The following TESC variants were observed in gnomAD, a reference collection of about 807,000 sequenced individuals.
TESC encodes tescalcin.
TESC carries 19 observed loss-of-function variants against 31.0 expected under a neutral mutation model. The ratio of observed to expected loss-of-function variants is 0.61; its 90% CI spans 0.43 to 0.90. TESC has a LOEUF of 0.90. Ranked by LOEUF, TESC falls within the 40% of genes least tolerant of loss-of-function variation. The pLI is 0.00. For missense variants in TESC, 248 were observed against 303.8 expected, an observed-to-expected ratio of 0.82 and a Z score of 1.36; for synonymous variants, 109 against 114.8, an observed-to-expected ratio of 0.95 and a Z score of 0.32.
chr12:117,078,490 G>A lies in TESC; in HGVS notation c.59-3150C>T, dbSNP rs1310038704. Among the ~76,000 whole-genome samples, 3 of 152,034 alleles carry A rather than the reference G, an allele frequency of 2.0e-5. No individual in the cohort carries two copies. The South Asian group carries it at 6.2e-4, about 32-fold the overall frequency. On this transcript the variant is annotated intron_variant, in intron 1 of 7. Coordinates refer to ENST00000335209, the MANE Select transcript of TESC (RefSeq NM_017899.4). ...CAAAAAAAAAGCAAAAAACAGATTGGTCAAACACTTTTTGGTATGTTTAGC... is the reference window on the plus strand; with the variant it reads ...CAAAAAAAAAGCAAAAAACAGATTGATCAAACACTTTTTGGTATGTTTAGC...
intron 3 of TESC, among the ~76,000 whole-genome samples, chr12:117,053,108 GTTTCAA>G (rs1366886337): frequency 6.6e-6 from 1 of 152,146 alleles, no homozygotes; most frequent in African/African-American, 2.4e-5. Context: ...GTGGTCACTT[GTTTCAA>G]CGTCCAACTT....
intron 1 of TESC, among the ~76,000 whole-genome samples, chr12:117,088,988 T>C (rs1031719606): frequency 2.6e-5 from 4 of 152,182 alleles, no homozygotes; most frequent in African/African-American, 9.7e-5. Context: ...AGAAGAGGCC[T>C]TGGGTCTGCA....
chr12:117,075,089 T>G (rs1593014280), intron 2 of TESC, among the ~76,000 whole-genome samples, 182 bp downstream of exon 2: 1 of 152,134 alleles, frequency 6.6e-6, no homozygotes, highest in Non-Finnish European at 1.5e-5. Context: ...GAGCTTGCAG[T>G]GAGCCGAGAC....
At chr12:117,075,926 T>TAC (rs1955064542) in intron 1 of TESC, among the ~76,000 whole-genome samples, 3 of 102,686 alleles carry the variant, frequency 2.9e-5, no homozygotes, top group Non-Finnish European at 5.5e-5. Flanking sequence ...TGTGTGTGTA[T>TAC]ATATATATAT....
chr12:117,045,772 C>G (rs546898163), intron 6 of TESC, among the ~76,000 whole-genome samples: 2 of 152,314 alleles, frequency 1.3e-5, no homozygotes, highest in African/African-American at 2.4e-5. Flanking sequence ...TTTAGACACA[C>G]AGGGGCAAAG....
intron 2 of TESC, among the ~76,000 whole-genome samples, chr12:117,061,622 G>A (rs1254042829): frequency 6.6e-6 from 1 of 152,112 alleles, no homozygotes; most frequent in Non-Finnish European, 1.5e-5. Context: ...CAGTGGGTGT[G>A]TAAATGGCTC....
intron 1 of TESC, among the ~76,000 whole-genome samples, chr12:117,083,330 T>C (rs1955174173): frequency 1.3e-5 from 2 of 152,188 alleles, no homozygotes; most frequent in African/African-American, 4.8e-5. Context: ...CCACCCACCT[T>C]GGCCTCGCAA....
chr12:117,082,314 G>T (rs998410661), intron 1 of TESC, among the ~76,000 whole-genome samples: 2 of 152,196 alleles, frequency 1.3e-5, no homozygotes, highest in African/African-American at 4.8e-5. Flanking sequence ...GACCAGCCTG[G>T]CCAATGTGGT....
intron 1 of TESC, among the ~76,000 whole-genome samples, chr12:117,087,716 G>A (rs545756670): frequency 1.3e-4 from 20 of 152,220 alleles, no homozygotes; most frequent in South Asian, 2.1e-4. Context: ...GCTGGTGCAC[G>A]TCTGTCATCC....
chr12:117,041,202 C>T lies in TESC; in HGVS notation c.567+745G>A, dbSNP rs1160928812. 3.3e-5 allele frequency among the ~76,000 whole-genome samples: 5 copies of T among 152,186 alleles called. No homozygotes were observed. The East Asian group carries it at 7.7e-4, about 23-fold the overall frequency. ...GAGGGCAGAGTGGGCGGCCGCTTTA[C>T]GAAAGTGTCATTTTAGGACACAGCG... On this transcript the variant is annotated intron_variant, in intron 7 of 7. Transcript: ENST00000335209.
intron 4 of TESC, 145 bp from the exon 5 acceptor site, chr12:117,046,983 C>T (rs1456833423): frequency 3.7e-6 from 3 of 821,440 alleles, no homozygotes; most frequent in African/African-American, 3.4e-5. Context: ...AGCTGTGGGA[C>T]CAGACTGACT....
chr12:117,048,359 C>T (rs925236895), intron 4 of TESC, among the ~76,000 whole-genome samples: 3 of 152,192 alleles, frequency 2.0e-5, no homozygotes, highest in African/African-American at 7.2e-5. Context: ...CTAAATATAG[C>T]GAAGTCCCAT....
At chr12:117,098,958 C>A (rs1451505592) in intron 1 of TESC, among the ~76,000 whole-genome samples, 1 of 152,016 alleles carries the variant, frequency 6.6e-6, no homozygotes, top group Non-Finnish European at 1.5e-5. Flanking sequence ...GGGCCCCGCT[C>A]CCTCCCCGGT....
intron 2 of TESC, among the ~76,000 whole-genome samples, chr12:117,063,004 T>C (rs1303612188): frequency 3.3e-5 from 5 of 152,194 alleles, no homozygotes; most frequent in Admixed American, 2.6e-4. Context: ...CCAGGCCTCC[T>C]GCGGGAGAGC....
intron 1 of TESC, among the ~76,000 whole-genome samples, chr12:117,093,180 T>C (rs1299751550): frequency 6.6e-6 from 1 of 152,154 alleles, no homozygotes; most frequent in Admixed American, 6.5e-5. Context: ...ACCCCTGAGC[T>C]TCTGGAGGGC....
Position 117,053,748 on chromosome 12 carries a change from G to A in TESC, c.209+3058C>T, listed in dbSNP as rs545426868. ...CTCCCTCTCTCGCGTGCGCGCGCACGCGCACACACACATACACATACACAC... is the reference window on the plus strand; with the variant it reads ...CTCCCTCTCTCGCGTGCGCGCGCACACGCACACACACATACACATACACAC... On this transcript the variant is annotated intron_variant, in intron 3 of 7. Coordinates refer to ENST00000335209, the MANE Select transcript of TESC (RefSeq NM_017899.4). 2.2e-4 allele frequency among the ~76,000 whole-genome samples: 33 copies of A among 152,092 alleles called. No homozygotes were observed. In the South Asian group the frequency reaches 4.2e-3, roughly 19 times the overall value.
chr12:117,040,829 C>T (rs1020166842), intron 7 of TESC, among the ~76,000 whole-genome samples: 2 of 152,184 alleles, frequency 1.3e-5, no homozygotes, highest in Admixed American at 6.5e-5. Flanking sequence ...GGCTTGGCCT[C>T]GGCTCCATGG....
chr12:117,046,403 G>C, intron 6 of TESC, 156 bp downstream of exon 6: 1 of 689,694 alleles, frequency 1.4e-6, no homozygotes, highest in South Asian at 1.9e-5. Flanking sequence ...TCTCCTGGGG[G>C]ACAGGAAGGG....
chr12:117,060,483 G>A (rs146231254), intron 2 of TESC, among the ~76,000 whole-genome samples: 169 of 152,312 alleles, frequency 1.1e-3, no homozygotes, highest in African/African-American at 3.9e-3. Context: ...GGCGACCACA[G>A]GAGGGGACAG....
Sources: gnomAD v4.1 joint callset for allele counts (sites outside exome capture counted in the v4.1 genomes callset) on GRCh38, gnomAD v4.1.1 for gene constraint, MANE v1.5 for transcripts, NCBI Gene and HGNC (gene_info 2026-07-23, HGNC 2026-07-21) for gene names.